The following ARGFX variants were observed in gnomAD, a reference collection of about 807,000 sequenced individuals.
ARGFX encodes arginine-fifty homeobox.
ARGFX carries 10 observed loss-of-function variants against 8.0 expected under a neutral mutation model. That is an observed-to-expected ratio of 1.25 (90% CI 0.77 to 2.12). ARGFX has a LOEUF of 2.12. Ranked by LOEUF, ARGFX falls within the 30% of genes most tolerant of loss-of-function variation. The probability of loss-of-function intolerance (pLI) is 0.00; values close to 1 mark genes in which losing one functional copy is unlikely to be tolerated. For missense variants in ARGFX, 282 were observed against 324.3 expected (o/e 0.87, Z 1.00); for synonymous variants, 116 against 117.8 (o/e 0.98, Z 0.10).
At chr3:121,569,102 T>C (rs956048807) in intron 1 of ARGFX, among the ~76,000 whole-genome samples, 18 of 152,138 alleles carry the variant, frequency 1.2e-4, no homozygotes, top group African/African-American at 2.7e-4. Context: ...CAAAAAAAAA[T>C]TGTGAGACCA....
intron 3 of ARGFX, among the ~76,000 whole-genome samples, chr3:121,578,032 C>T (rs111243969): frequency 5.3e-5 from 8 of 151,526 alleles, no homozygotes; most frequent in South Asian, 4.2e-4. Flanking sequence ...GCGATCCGCT[C>T]GCCTTGGCCT....
chr3:121,581,735 T>TAC (rs374020687), intron 3 of ARGFX, among the ~76,000 whole-genome samples: 122 of 151,670 alleles, frequency 8.0e-4, no homozygotes, highest in Admixed American at 1.3e-3. Context: ...ACCTCATCTC[T>TAC]ACACACACAC....
chr3:121,577,259 A>ATTTTT lies in ARGFX; in HGVS notation c.220+368_220+372dup, dbSNP rs869249692. On this transcript the variant is annotated intron_variant, in intron 3 of 4. Transcript: ENST00000334384. ...TATATATATATATATATATATATAT[A>ATTTTT]TTTTTTTTTTTTTAAATGGAGTCTC... Among the ~76,000 whole-genome samples the ATTTTT allele has an allele frequency of 8.6e-3, 511 of 59,558 alleles. 10 individuals are homozygous for ATTTTT. The highest frequency in any genetic ancestry group is 0.016 in the African/African-American group (250 of 16,042). 39.1% of individuals were successfully genotyped at this position (59,558 alleles called of 152,430 possible).
At chr3:121,574,524 T>A (rs2048725479) in intron 2 of ARGFX, among the ~76,000 whole-genome samples, 1 of 152,180 alleles carries the variant, frequency 6.6e-6, no homozygotes, top group South Asian at 2.1e-4. Flanking sequence ...GCAACTTAGA[T>A]CCCTCACCTG....
Position 121,570,764 on chromosome 3 carries a change from T to C in ARGFX, c.51T>C (p.Asn17=), listed in dbSNP as rs2108833622. The change falls in exon 2 of 5, where the codon AAT becomes AAC. Residue 17 remains asparagine (N), a synonymous_variant. Transcript: ENST00000334384. The part of the protein sequence containing the change: ...PENPQPDPFI[N]RNYSNMKVIP... The stretch of plus-strand genomic sequence containing the variant: ...ATCCCCAGCCAGACCCTTTCATCAA[T>C]AGGAATTATTCCAACATGAAGGTGA... 6.2e-7 allele frequency: 1 copy of C among 1,610,242 alleles called. No homozygotes were observed. Among genetic ancestry groups the C allele is most frequent in the Non-Finnish European group, 8.5e-7 (1 of 1,178,474 alleles).
chr3:121,576,737 TTCTTTCTTTTTCTC>T, intron 2 of ARGFX, 33 bp from the exon 3 acceptor site: 1 of 369,532 alleles, frequency 2.7e-6, no homozygotes, highest in Non-Finnish European at 5.2e-6. Flanking sequence ...CTTTCTTTCT[TTCTTTCTTTTTCTC>T]TTTCTTTCTT....
Position 121,586,648 on chromosome 3 carries a change from CT to C in ARGFX, c.*49del. The C allele has an allele frequency of 2.1e-6, 3 of 1,452,954 alleles. 1 individual carries two copies. The highest frequency in any genetic ancestry group is 2.8e-6 in the Non-Finnish European group (3 of 1,067,862). The allele number at this position is 1,452,954 out of a possible 1,614,324, so 90.0% of individuals were successfully genotyped here. ...TCATTTAGAAAAGTGGTCTTCTTGC[CT>C]CTTGTACATGACTGTTTTTTTCCTT... On this transcript the variant is annotated 3_prime_UTR_variant, in exon 5 of 5. Transcript: ENST00000334384.
chr3:121,575,785 C>G (rs775081847), intron 2 of ARGFX, among the ~76,000 whole-genome samples: 1 of 151,778 alleles, frequency 6.6e-6, no homozygotes, highest in Non-Finnish European at 1.5e-5. Context: ...TGGTGGTGAG[C>G]GCCTGTAGTC....
At position 121,577,182 on chromosome 3, in the gene ARGFX, T is replaced by C. The variant is rs550827607; in HGVS notation, c.220+282T>C. ...GAGTTATAAAGAAAAGTGTGTTGTG[T>C]ATATATGTATGTGTGTATGTATATA... On this transcript the variant is annotated intron_variant, in intron 3 of 4. Transcript: ENST00000334384. Among the ~76,000 whole-genome samples, 60 of 135,444 alleles carry C rather than the reference T, an allele frequency of 4.4e-4. 1 individual carries two copies. The South Asian group carries it at 4.6e-3, about 10-fold the overall frequency. The allele number at this position is 135,444 out of a possible 152,430, so 88.9% of individuals were successfully genotyped here.
Position 121,586,128 on chromosome 3 carries a change from C to G in ARGFX, c.476C>G (p.Pro159Arg). The change falls in exon 5 of 5, where the codon CCC (proline) becomes CGC (arginine). Residue 159 changes from proline (P) to arginine (R), a missense_variant. Coordinates refer to ENST00000334384, the MANE Select transcript of ARGFX (RefSeq NM_001012659.2). ...LPSKKNVPTS[P>R]RTSPSPYAFS... ...TCCAAGAAGAATGTGCCCACCTCCCCCAGAACATCCCCCAGTCCTTATGCT... is the reference window on the plus strand; with the variant it reads ...TCCAAGAAGAATGTGCCCACCTCCCGCAGAACATCCCCCAGTCCTTATGCT... 1.2e-6 allele frequency: 2 copies of G among 1,613,780 alleles called. No individual in the cohort carries two copies. Among genetic ancestry groups the G allele is most frequent in the East Asian group, 4.5e-5 (2 of 44,872 alleles).
chr3:121,568,880 G>A (rs2048689479), intron 1 of ARGFX, among the ~76,000 whole-genome samples: 1 of 152,092 alleles, frequency 6.6e-6, no homozygotes, highest in Non-Finnish European at 1.5e-5. Flanking sequence ...TAAGCCTTAG[G>A]CCATCTGTTG....
intron 3 of ARGFX, among the ~76,000 whole-genome samples, chr3:121,582,611 T>C (rs879427187): frequency 3.3e-5 from 5 of 152,192 alleles, no homozygotes; most frequent in East Asian, 3.8e-4. Context: ...GTTTTATCTA[T>C]AGTGTTTATT....
Position 121,586,604 on chromosome 3 carries a change from G to T in ARGFX, c.*4G>T. ...GGTAGACTTGGGATTTCTCTGACCA[G>T]AGTACTAATAAATATAGATCATTTA... On this transcript the variant is annotated 3_prime_UTR_variant, in exon 5 of 5. Coordinates refer to ENST00000334384, the MANE Select transcript of ARGFX (RefSeq NM_001012659.2). 1 of 1,606,704 alleles carries T rather than the reference G, an allele frequency of 6.2e-7. No homozygotes were observed. Among genetic ancestry groups the T allele is most frequent in the South Asian group, 1.1e-5 (1 of 90,328 alleles).
intron 2 of ARGFX, 112 bp downstream of exon 2, chr3:121,570,928 T>C (rs1018995815): frequency 1.4e-6 from 1 of 715,354 alleles, no homozygotes; most frequent in Admixed American, 3.9e-5. Context: ...TTTTAAAAAA[T>C]CTATTCAAAA....
rs758878227 is a variant in ARGFX, at chr3:121,570,689, C to A, written c.-12-13C>A. 1.3e-6 allele frequency: 2 copies of A among 1,537,616 alleles called. No individual in the cohort carries two copies. The highest frequency in any genetic ancestry group is 1.8e-6 in the Non-Finnish European group (2 of 1,120,154). ...TCATCAGCATTCCCTATCTCATAGG[C>A]CTTCCATCTCAGATTTCAGAAACCA... On this transcript the variant is annotated splice_polypyrimidine_tract_variant and intron_variant, in intron 1 of 4. Transcript: ENST00000334384.
At position 121,585,910 on chromosome 3, in the gene ARGFX, G is replaced by T. The variant is rs77121203; in HGVS notation, c.370-112G>T. The stretch of plus-strand genomic sequence containing the variant: ...CTGCTTTTGCAGAGCCCAGTGTCAT[G>T]GTGAATTAGAGAGGACATGAAGATT... On this transcript the variant is annotated intron_variant, in intron 4 of 4. Transcript: ENST00000334384. 3,642 of 1,031,542 alleles carry T rather than the reference G, an allele frequency of 3.5e-3. 56 individuals carry two copies. Among genetic ancestry groups the T allele is most frequent in the African/African-American group, 0.028 (1,738 of 61,960 alleles). The allele number at this position is 1,031,542 out of a possible 1,614,324, so 63.9% of individuals were successfully genotyped here. A position where few individuals can be genotyped will look rare whatever the true frequency, so the allele number is the denominator to read the frequency against.
chr3:121,588,636 A>T lies in ARGFX; in HGVS notation c.*2036A>T, dbSNP rs577844488. ...AAAGGACATAGAAAATGTTTTGAAT[A>T]GGCCAGGCGCAGTGGCTCACACCTG... On this transcript the variant is annotated 3_prime_UTR_variant, in exon 5 of 5. Coordinates refer to ENST00000334384, the MANE Select transcript of ARGFX (RefSeq NM_001012659.2). Among the ~76,000 whole-genome samples, 48 of 151,578 alleles carry T rather than the reference A, an allele frequency of 3.2e-4. No individual in the cohort carries two copies. The highest frequency in any genetic ancestry group is 6.8e-3 in the Middle Eastern group (2 of 294).
At chr3:121,580,906 T>C (rs973260151) in intron 3 of ARGFX, among the ~76,000 whole-genome samples, 1 of 152,120 alleles carries the variant, frequency 6.6e-6, no homozygotes, top group Non-Finnish European at 1.5e-5. Flanking sequence ...TACTGTATCA[T>C]CTATATGTTT....
At chr3:121,571,729 AATTT>A (rs1427817076) in intron 2 of ARGFX, among the ~76,000 whole-genome samples, 2 of 120,468 alleles carry the variant, frequency 1.7e-5, no homozygotes, top group Non-Finnish European at 3.5e-5. Flanking sequence ...ATGCCCGGCA[AATTT>A]TTTTTTTTTT....
Sources: gnomAD v4.1 joint callset for allele counts (sites outside exome capture counted in the v4.1 genomes callset) on GRCh38, gnomAD v4.1.1 for gene constraint, MANE v1.5 for transcripts, NCBI Gene and HGNC (gene_info 2026-07-23, HGNC 2026-07-21) for gene names.